CLCA2: variants seen among roughly 807,000 people sequenced by gnomAD.
The protein encoded by CLCA2 is calcium-activated chloride channel regulator 2.
In CLCA2, 85 loss-of-function variants were observed where a neutral mutation model predicts 82.9. That is an observed-to-expected ratio of 1.03 (90% confidence interval 0.86 to 1.23). The LOEUF (loss-of-function observed/expected upper bound fraction) is 1.23. Ranked by LOEUF, CLCA2 falls within the 50% of genes most tolerant of loss-of-function variation. The pLI, the probability that CLCA2 is intolerant of heterozygous loss-of-function variation, is 0.00. For missense variants in CLCA2, 1,089 were observed against 1,124.8 expected, an observed-to-expected ratio of 0.97 and a Z score of 0.45; for synonymous variants, 421 against 391.7, an observed-to-expected ratio of 1.07 and a Z score of -0.88.
chr1:86,438,746 T>C lies in CLCA2; in HGVS notation c.973-130T>C, dbSNP rs541478022. The C allele has an allele frequency of 6.7e-6, 5 of 741,524 alleles. No individual in the cohort carries two copies. In the East Asian group the frequency reaches 7.7e-5, roughly 11 times the overall value. The allele number at this position is 741,524 out of a possible 1,614,324, so 45.9% of individuals were successfully genotyped here. On this transcript the variant is annotated intron_variant, in intron 6 of 13. Coordinates refer to ENST00000370565, the MANE Select transcript of CLCA2 (RefSeq NM_006536.7). Reference sequence around the variant, plus strand: ...AATATTCTAATATTATGTTACTCTTTAAAGCTCAAAAAATTATGATCCAAC... The same window carrying C: ...AATATTCTAATATTATGTTACTCTTCAAAGCTCAAAAAATTATGATCCAAC...
intron 9 of CLCA2, among the ~76,000 whole-genome samples, chr1:86,442,411 T>C (rs536391500): frequency 6.6e-6 from 1 of 152,270 alleles, no homozygotes; most frequent in East Asian, 1.9e-4. Flanking sequence ...AAAAAATAAA[T>C]TTAACAAAAT....
In CLCA2 at chr1:86,440,024, C is replaced by T. The variant is rs902601499; in HGVS notation, c.1204-124C>T. 4.5e-5 allele frequency: 41 copies of T among 907,318 alleles called. No homozygotes were observed. In the African/African-American group the frequency reaches 6.3e-4, roughly 14 times the overall value. 56.2% of individuals were successfully genotyped at this position (907,318 alleles called of 1,614,324 possible). ...AGTGCTGTGATGGGGTGAGGTAAAA[C>T]TTGAGTGGAGATGGGCGTGGGGTGT... is the stretch of plus-strand genomic sequence containing the variant. On this transcript the variant is annotated intron_variant, in intron 7 of 13. Coordinates refer to ENST00000370565, the MANE Select transcript of CLCA2 (RefSeq NM_006536.7).
rs1662430849 is a variant in CLCA2 at position 86,428,468 on chromosome 1, C to T, written c.375C>T (p.Tyr125=). 1.9e-6 allele frequency: 3 copies of T among 1,613,432 alleles called. No homozygotes were observed. Among genetic ancestry groups the T allele is most frequent in the Non-Finnish European group, 2.5e-6 (3 of 1,179,632 alleles). The change falls in exon 3 of 14, where the codon TAC becomes TAT. Residue 125 remains tyrosine (Y), a synonymous_variant. Coordinates refer to ENST00000370565, the MANE Select transcript of CLCA2 (RefSeq NM_006536.7). ...ATGGGGCACATGGAGATGATCCATA[C>T]ACCCTACAATACAGAGGGTGTGGAA... The part of the protein sequence containing the change: ...DWYGAHGDDP[Y]TLQYRGCGKE...
chr1:86,438,230 C>T (rs1041211994), intron 6 of CLCA2, among the ~76,000 whole-genome samples: 2 of 152,192 alleles, frequency 1.3e-5, no homozygotes, highest in Non-Finnish European at 2.9e-5. Context: ...GCTTTCAAAA[C>T]AAGTTACCCT....
At chr1:86,442,470 C>A (rs897511894) in intron 9 of CLCA2, among the ~76,000 whole-genome samples, 1 of 152,176 alleles carries the variant, frequency 6.6e-6, no homozygotes, top group African/African-American at 2.4e-5. Context: ...AACTTGCCCC[C>A]CTCCCGACAA....
intron 3 of CLCA2, among the ~76,000 whole-genome samples, chr1:86,430,173 G>T (rs920368776): frequency 1.1e-4 from 16 of 152,282 alleles, no homozygotes; most frequent in Admixed American, 8.5e-4. Context: ...GCTGTGGTCT[G>T]AACTTTGAAG....
chr1:86,435,289 A>G (rs1289907709), intron 6 of CLCA2, among the ~76,000 whole-genome samples: 1 of 152,208 alleles, frequency 6.6e-6, no homozygotes, highest in Non-Finnish European at 1.5e-5. Flanking sequence ...CTACTAATTG[A>G]AACTCTTTCC....
intron 12 of CLCA2, among the ~76,000 whole-genome samples, chr1:86,452,943 G>T (rs1186913410): frequency 6.6e-6 from 1 of 152,156 alleles, no homozygotes; most frequent in Non-Finnish European, 1.5e-5. Flanking sequence ...GGGAGACAAA[G>T]GTGGGCGGAT....
At chr1:86,446,620 A>G (rs938898945) in intron 10 of CLCA2, among the ~76,000 whole-genome samples, 9 of 152,202 alleles carry the variant, frequency 5.9e-5, no homozygotes, top group Admixed American at 3.3e-4. Flanking sequence ...ATGAATCCCA[A>G]TGAAGAAAGA....
intron 12 of CLCA2, among the ~76,000 whole-genome samples, chr1:86,452,949 C>A (rs542064833): frequency 6.6e-6 from 1 of 152,016 alleles, no homozygotes. Context: ...CAAAGGTGGG[C>A]GGATCACGAG....
chr1:86,446,314 C>T (rs1662853054), intron 10 of CLCA2, among the ~76,000 whole-genome samples: 1 of 151,056 alleles, frequency 6.6e-6, no homozygotes, highest in Non-Finnish European at 1.5e-5. Flanking sequence ...TGGCTTCTAC[C>T]CAAGCTTCTC....
intron 12 of CLCA2, among the ~76,000 whole-genome samples, chr1:86,452,176 CTTTTTT>C (rs753484167): frequency 2.3e-5 from 1 of 43,946 alleles, no homozygotes; most frequent in African/African-American, 9.2e-5. Context: ...AACCTGGAAG[CTTTTTT>C]TTTTTTTTTT....
intron 12 of CLCA2, among the ~76,000 whole-genome samples, chr1:86,452,098 AC>A (rs1368876226): frequency 6.8e-6 from 1 of 147,962 alleles, no homozygotes; most frequent in Non-Finnish European, 1.5e-5. Flanking sequence ...GGAATCACAA[AC>A]TTTGTAATTT....
At chr1:86,426,109 C>G (rs967400096) in intron 2 of CLCA2, among the ~76,000 whole-genome samples, 1 of 151,926 alleles carries the variant, frequency 6.6e-6, no homozygotes, top group Non-Finnish European at 1.5e-5. Flanking sequence ...ATTAAGCACC[C>G]ATGATGATGT....
At chr1:86,432,557 T>C in intron 5 of CLCA2, 29 bp downstream of exon 5, 1 of 1,601,016 alleles carries the variant, frequency 6.2e-7, no homozygotes. Flanking sequence ...TGACACACTC[T>C]TGCAGGATTC....
chr1:86,424,186 GAA>G lies in CLCA2; in HGVS notation c.-59_-58del, dbSNP rs1662339761. On this transcript the variant is annotated 5_prime_UTR_variant, in exon 1 of 14. Transcript: ENST00000370565. ...GGAAGAAACCATCTGCATCCATATT[GAA>G]AACCTGACACAATGTATGCAGCAGG... The G allele has an allele frequency of 4.0e-6, 6 of 1,493,910 alleles. No individual in the cohort carries two copies. The South Asian group carries it at 7.9e-5, about 20-fold the overall frequency. 92.5% of individuals were successfully genotyped at this position (1,493,910 alleles called of 1,614,324 possible). A position where few individuals can be genotyped will look rare whatever the true frequency, so the allele number is the denominator to read the frequency against.
intron 11 of CLCA2, among the ~76,000 whole-genome samples, chr1:86,449,218 G>A (rs1027986886): frequency 3.3e-5 from 5 of 152,172 alleles, no homozygotes; most frequent in African/African-American, 1.2e-4. Flanking sequence ...AATTTAAAAT[G>A]TACTTTTTCA....
At position 86,447,793 on chromosome 1, in the gene CLCA2, C is replaced by A; in HGVS notation, c.1984+15C>A. On this transcript the variant is annotated intron_variant, in intron 11 of 13. Coordinates refer to ENST00000370565, the MANE Select transcript of CLCA2 (RefSeq NM_006536.7). ...TGATGGAGCAGGTAACAAGGAATGTCATGACATTTTATCATCTTCTCAACA... is the reference window on the plus strand; with the variant it reads ...TGATGGAGCAGGTAACAAGGAATGTAATGACATTTTATCATCTTCTCAACA... 2 of 1,605,542 alleles carry A rather than the reference C, an allele frequency of 1.2e-6. No homozygotes were observed. Among genetic ancestry groups the A allele is most frequent in the South Asian group, 2.2e-5 (2 of 90,710 alleles).
intron 13 of CLCA2, among the ~76,000 whole-genome samples, 153 bp from the exon 14 acceptor site, chr1:86,454,932 A>G (rs1371707552): frequency 2.7e-5 from 4 of 150,246 alleles, no homozygotes; most frequent in Admixed American, 6.6e-5. Context: ...GTCCTTGTGT[A>G]GTGTTTTAAA....
Sources: gnomAD v4.1 joint callset for allele counts (sites outside exome capture counted in the v4.1 genomes callset) on GRCh38, gnomAD v4.1.1 for gene constraint, MANE v1.5 for transcripts, NCBI Gene and HGNC (gene_info 2026-07-23, HGNC 2026-07-21) for gene names.